The following EPHA6 variants were observed in gnomAD, a reference collection of about 807,000 sequenced individuals.
EPHA6 encodes the protein ephrin type-A receptor 6.
EPHA6 carries 50 observed loss-of-function variants against 112.0 expected under a neutral mutation model. That is an observed-to-expected ratio of 0.45 (90% CI 0.36 to 0.56). EPHA6 has a LOEUF of 0.56. Ranked by LOEUF, EPHA6 falls within the 20% of genes least tolerant of loss-of-function variation. The pLI, the probability that EPHA6 is intolerant of heterozygous loss-of-function variation, is 0.00. For missense variants in EPHA6, 1,280 were observed against 1,417.4 expected (o/e 0.90, Z 1.56); for synonymous variants, 529 against 490.7 (o/e 1.08, Z -1.03).
chr3:97,264,454 A>C (rs1197079312), intron 5 of EPHA6, among the ~76,000 whole-genome samples: 1 of 152,198 alleles, frequency 6.6e-6, no homozygotes, highest in African/African-American at 2.4e-5. Flanking sequence ...AGCTGGCAGC[A>C]GGGAATGTGG....
intron 1 of EPHA6, among the ~76,000 whole-genome samples, chr3:96,848,075 C>T (rs907706765): frequency 7.2e-5 from 11 of 151,988 alleles, no homozygotes; most frequent in African/African-American, 2.7e-4. Context: ...TTAATGTTTG[C>T]ATGGGTATAA....
At chr3:97,463,262 C>A (rs1247651569) in intron 7 of EPHA6, among the ~76,000 whole-genome samples, 2 of 152,042 alleles carry the variant, frequency 1.3e-5, no homozygotes, top group Non-Finnish European at 2.9e-5. Context: ...AGTAGCACGA[C>A]TTTCCCCATG....
At chr3:97,102,022 G>T (rs1294936520) in intron 3 of EPHA6, among the ~76,000 whole-genome samples, 1 of 151,988 alleles carries the variant, frequency 6.6e-6, no homozygotes, top group Admixed American at 6.6e-5. Flanking sequence ...AGTGAAACTT[G>T]CCAGAGGTGA....
At chr3:97,030,719 A>G (rs1338541464) in intron 3 of EPHA6, among the ~76,000 whole-genome samples, 1 of 152,114 alleles carries the variant, frequency 6.6e-6, no homozygotes, top group Admixed American at 6.6e-5. Context: ...TTAGAAAAGT[A>G]TCTAGTGGGT....
intron 6 of EPHA6, among the ~76,000 whole-genome samples, chr3:97,431,409 A>G (rs1352999764): frequency 6.6e-6 from 1 of 152,154 alleles, no homozygotes; most frequent in Admixed American, 6.6e-5. Context: ...TCATGGTTGA[A>G]TAGAATATAA....
chr3:97,093,209 G>C (rs1419184284), intron 3 of EPHA6, among the ~76,000 whole-genome samples: 1 of 152,080 alleles, frequency 6.6e-6, no homozygotes, highest in African/African-American at 2.4e-5. Flanking sequence ...CAAGCTAACT[G>C]TATGACTTTA....
chr3:96,926,191 T>G (rs1576056308), intron 2 of EPHA6, among the ~76,000 whole-genome samples: 1 of 151,526 alleles, frequency 6.6e-6, no homozygotes, highest in Non-Finnish European at 1.5e-5. Context: ...GGCGAGAGAG[T>G]GATTGTGTGA....
At chr3:97,275,599 G>C (rs1158163847) in intron 5 of EPHA6, among the ~76,000 whole-genome samples, 4 of 152,178 alleles carry the variant, frequency 2.6e-5, no homozygotes, top group African/African-American at 9.7e-5. Flanking sequence ...TGTAAGGCTT[G>C]TCTGGTTCTA....
At chr3:97,352,679 T>C (rs553156262) in intron 5 of EPHA6, among the ~76,000 whole-genome samples, 3 of 152,270 alleles carry the variant, frequency 2.0e-5, no homozygotes, top group African/African-American at 7.2e-5. Flanking sequence ...ATGGGCTGAA[T>C]ACCCTAGATT....
At chr3:97,655,906 TA>T (rs939899525) in intron 14 of EPHA6, among the ~76,000 whole-genome samples, 3 of 151,674 alleles carry the variant, frequency 2.0e-5, no homozygotes, top group Non-Finnish European at 4.4e-5. Flanking sequence ...TAAAGTATAA[TA>T]AAAAAAGAAG....
chr3:96,904,449 G>A (rs1397281839), intron 2 of EPHA6, among the ~76,000 whole-genome samples: 1 of 118,254 alleles, frequency 8.5e-6, no homozygotes, highest in Admixed American at 1.2e-4. Flanking sequence ...ACACACTGGG[G>A]TCTGTTGTGG....
intron 5 of EPHA6, among the ~76,000 whole-genome samples, chr3:97,310,476 G>C (rs2081505151): frequency 2.0e-5 from 3 of 151,412 alleles, no homozygotes; most frequent in Non-Finnish European, 4.4e-5. Context: ...TTTCACCTGT[G>C]GGGTATTTGA....
intron 5 of EPHA6, among the ~76,000 whole-genome samples, chr3:97,373,902 T>A (rs2085205801): frequency 6.6e-6 from 1 of 152,174 alleles, no homozygotes; most frequent in East Asian, 1.9e-4. Flanking sequence ...AAGCCCTTGC[T>A]GGATATATAA....
At position 96,931,805 on chromosome 3, in the gene EPHA6, G is replaced by A. The variant is rs529018012; in HGVS notation, c.451-55525G>A. On this transcript the variant is annotated intron_variant, in intron 2 of 17. Coordinates refer to ENST00000389672, the MANE Select transcript of EPHA6 (RefSeq NM_001080448.3). ...ATGGAAGTGGGGCCCTCAGAATACC[G>A]CTGCTTGGCTCCCTGGATTCAGCCC... Among the ~76,000 whole-genome samples the A allele has an allele frequency of 2.5e-4, 38 of 152,240 alleles. 1 individual carries two copies. The highest frequency in any genetic ancestry group is 2.3e-3 in the South Asian group (11 of 4,824).
At chr3:96,890,900 A>G (rs1168947173) in intron 2 of EPHA6, among the ~76,000 whole-genome samples, 1 of 152,234 alleles carries the variant, frequency 6.6e-6, no homozygotes, top group Non-Finnish European at 1.5e-5. Flanking sequence ...AGCCTGGCCA[A>G]CATGGTGAAA....
rs527845798 is a variant in EPHA6 at position 97,157,811 on chromosome 3, G to A, written c.1115-68453G>A. Among the ~76,000 whole-genome samples, 18 of 152,164 alleles carry A rather than the reference G, an allele frequency of 1.2e-4. No homozygotes were observed. The East Asian group carries it at 2.5e-3, about 21-fold the overall frequency. ...CAGATCTTCAATTGATTAGATCACCGCACCTACATTAGGGAGGGGTATCTT... is the reference window on the plus strand; with the variant it reads ...CAGATCTTCAATTGATTAGATCACCACACCTACATTAGGGAGGGGTATCTT... On this transcript the variant is annotated intron_variant, in intron 3 of 17. Coordinates refer to ENST00000389672, the MANE Select transcript of EPHA6 (RefSeq NM_001080448.3).
intron 2 of EPHA6, among the ~76,000 whole-genome samples, chr3:96,965,785 G>A (rs1396906257): frequency 7.2e-5 from 11 of 151,776 alleles, no homozygotes; most frequent in South Asian, 2.1e-4. Context: ...TTTACCTTTC[G>A]TATTTAAATC....
chr3:96,816,946 A>G (rs950831111), intron 1 of EPHA6, among the ~76,000 whole-genome samples: 2 of 152,032 alleles, frequency 1.3e-5, no homozygotes, highest in African/African-American at 4.8e-5. Context: ...TGCCAAACAT[A>G]TGTAATTTAT....
At chr3:97,086,279 A>G (rs993675616) in intron 3 of EPHA6, among the ~76,000 whole-genome samples, 4 of 152,066 alleles carry the variant, frequency 2.6e-5, no homozygotes, top group African/African-American at 9.7e-5. Context: ...TACTGTCCTC[A>G]TGCTGAAATT....
Sources: gnomAD v4.1 joint callset for allele counts (sites outside exome capture counted in the v4.1 genomes callset) on GRCh38, gnomAD v4.1.1 for gene constraint, MANE v1.5 for transcripts, NCBI Gene and HGNC (gene_info 2026-07-23, HGNC 2026-07-21) for gene names.